NEK7: variants seen among roughly 807,000 people sequenced by gnomAD.
The protein encoded by NEK7 is serine/threonine-protein kinase Nek7.
In NEK7, 18 loss-of-function variants were observed where a neutral mutation model predicts 44.6. The observed-to-expected ratio is 0.40, with a 90% CI of 0.28 to 0.60. NEK7 has a LOEUF of 0.60. Ranked by LOEUF, NEK7 falls within the 20% of genes least tolerant of loss-of-function variation. The pLI is 0.38. For missense variants in NEK7, 256 were observed against 366.5 expected, an observed-to-expected ratio of 0.70 and a Z score of 2.46; for synonymous variants, 130 against 121.1, an observed-to-expected ratio of 1.07 and a Z score of -0.48.
intron 3 of NEK7, among the ~76,000 whole-genome samples, chr1:198,261,285 A>G (rs1653462816): frequency 6.6e-6 from 1 of 151,998 alleles, no homozygotes; most frequent in Non-Finnish European, 1.5e-5. Context: ...AACACTGACT[A>G]TGGAGCTAGA....
chr1:198,278,861 A>T, intron 6 of NEK7, 93 bp from the exon 7 acceptor site: 1 of 664,600 alleles, frequency 1.5e-6, no homozygotes, highest in Non-Finnish European at 2.6e-6. Context: ...ATTAAAATAA[A>T]TTTTAAATTC....
chr1:198,184,016 A>G (rs879274306), intron 1 of NEK7, among the ~76,000 whole-genome samples: 5 of 152,202 alleles, frequency 3.3e-5, no homozygotes, highest in South Asian at 2.1e-4. Context: ...TGTTGGTGGT[A>G]TCTGGTCCAT....
intron 1 of NEK7, among the ~76,000 whole-genome samples, chr1:198,175,809 A>G (rs1449926321): frequency 1.3e-5 from 2 of 151,886 alleles, no homozygotes; most frequent in Non-Finnish European, 2.9e-5. Flanking sequence ...TTGTAGGGAA[A>G]CTCTTCGGTA....
intron 1 of NEK7, among the ~76,000 whole-genome samples, chr1:198,171,432 G>T (rs1664436197): frequency 6.6e-6 from 1 of 152,072 alleles, no homozygotes; most frequent in South Asian, 2.1e-4. Context: ...TGTAATCCCA[G>T]CACTTTGGGA....
chr1:198,192,916 G>A (rs928084939), intron 1 of NEK7, among the ~76,000 whole-genome samples: 1 of 151,600 alleles, frequency 6.6e-6, no homozygotes, highest in African/African-American at 2.4e-5. Context: ...ATAACCAAGA[G>A]CAAACAAACC....
intron 1 of NEK7, among the ~76,000 whole-genome samples, chr1:198,196,003 G>A (rs994381871): frequency 6.6e-6 from 1 of 152,016 alleles, no homozygotes. Context: ...TATTGTTCCT[G>A]CTACCAGAAG....
At chr1:198,239,039 A>G (rs1232313343) in intron 2 of NEK7, among the ~76,000 whole-genome samples, 1 of 152,072 alleles carries the variant, frequency 6.6e-6, no homozygotes, top group East Asian at 1.9e-4. Context: ...CGAATTCCCT[A>G]TGTCCTGGCT....
chr1:198,243,029 C>G (rs527857223), intron 2 of NEK7, among the ~76,000 whole-genome samples: 131 of 152,188 alleles, frequency 8.6e-4, no homozygotes, highest in African/African-American at 2.9e-3. Flanking sequence ...TCACCGTACT[C>G]CAGCCACAGT....
At chr1:198,245,242 A>G (rs1257525830) in intron 2 of NEK7, 1 of 169,310 alleles carries the variant, frequency 5.9e-6, no homozygotes, top group East Asian at 1.9e-4. Context: ...GGAAGGGAGA[A>G]GTAGAAGAAA....
chr1:198,297,719 G>A (rs1334407969), intron 9 of NEK7, among the ~76,000 whole-genome samples: 2 of 152,108 alleles, frequency 1.3e-5, no homozygotes, highest in African/African-American at 4.8e-5. Flanking sequence ...ACATATCTCT[G>A]AGCCTTATTA....
intron 5 of NEK7, among the ~76,000 whole-genome samples, chr1:198,271,905 T>TTATATATATATATATA (rs34354855): frequency 8.5e-5 from 12 of 141,394 alleles, no homozygotes; most frequent in African/African-American, 2.9e-4. Flanking sequence ...AATTTATATT[T>TTATATATATATATATA]TATATATATA....
Position 198,279,020 on chromosome 1 carries a change from G to T in NEK7, c.548G>T (p.Gly183Val). 1 of 1,610,948 alleles carries T rather than the reference G, an allele frequency of 6.2e-7. No homozygotes were observed. The highest frequency in any genetic ancestry group is 1.1e-5 in the South Asian group (1 of 90,946). ...GTAAAACTTGGAGATCTTGGGCTTG[G>T]CCGGTTTTTCAGCTCAAAAACCACA... ...GVVKLGDLGLGRFFSSKTTAA... is the reference protein window; with the variant it reads ...GVVKLGDLGLVRFFSSKTTAA... Residue 183 changes from glycine to valine, a missense_variant, in exon 7 of 10, where the codon GGC becomes GTC. By Grantham distance (109) the Gly-to-Val change is moderately radical (BLOSUM62 -3). Coordinates refer to ENST00000367385, the MANE Select transcript of NEK7 (RefSeq NM_133494.3).
intron 1 of NEK7, among the ~76,000 whole-genome samples, chr1:198,231,055 C>T (rs1324421748): frequency 6.6e-6 from 1 of 151,028 alleles, no homozygotes; most frequent in Non-Finnish European, 1.5e-5. Context: ...ATAGGCTGAT[C>T]GATTTTACAA....
At chr1:198,234,925 T>A (rs1666504241) in intron 2 of NEK7, among the ~76,000 whole-genome samples, 1 of 152,198 alleles carries the variant, frequency 6.6e-6, no homozygotes, top group African/African-American at 2.4e-5. Flanking sequence ...GCATTATTGC[T>A]TATTAAGTCT....
intron 3 of NEK7, among the ~76,000 whole-genome samples, chr1:198,254,265 T>G (rs1158358671): frequency 6.6e-6 from 1 of 152,150 alleles, no homozygotes; most frequent in Non-Finnish European, 1.5e-5. Flanking sequence ...ATTAAAAATA[T>G]TTTCGACATG....
chr1:198,317,881 T>TA (rs1553258415), intron 9 of NEK7, among the ~76,000 whole-genome samples: 20 of 101,594 alleles, frequency 2.0e-4, no homozygotes, highest in Non-Finnish European at 2.6e-4. Context: ...ATATTTATTT[T>TA]TTTTTTTTTT....
At chr1:198,287,219 C>T (rs1181058758) in intron 7 of NEK7, among the ~76,000 whole-genome samples, 1 of 152,094 alleles carries the variant, frequency 6.6e-6, no homozygotes, top group Non-Finnish European at 1.5e-5. Flanking sequence ...CGGTGGCTCA[C>T]ACCTGTAATC....
At chr1:198,256,224 A>T (rs1653258361) in intron 3 of NEK7, 3 of 1,310,382 alleles carry the variant, frequency 2.3e-6, no homozygotes, top group African/African-American at 3.0e-5. Context: ...CAGAATCCTC[A>T]GCTTAGTTTT....
chr1:198,256,606 C>G, intron 3 of NEK7: 2 of 1,240,704 alleles, frequency 1.6e-6, no homozygotes, highest in South Asian at 3.3e-5. Flanking sequence ...ATTCATTCCT[C>G]CAGTATTTAT....
Sources: allele counts gnomAD v4.1 joint callset (sites outside exome capture counted in the v4.1 genomes callset), GRCh38; gene constraint gnomAD v4.1.1; transcripts MANE v1.5; gene names NCBI Gene and HGNC (gene_info 2026-07-23, HGNC 2026-07-21).